Variants in GSE1 observed in about 807,000 individuals in gnomAD.
GSE1 encodes Gse1 coiled-coil protein, also known as genetic suppressor element 1.
Under a neutral mutation model 112.6 loss-of-function variants are expected in GSE1, and 32 were observed. The ratio of observed to expected loss-of-function variants is 0.28; its 90% CI spans 0.21 to 0.38. GSE1 has a LOEUF of 0.38. Ranked by LOEUF, GSE1 falls within the 10% of genes least tolerant of loss-of-function variation. The pLI is 1.00. For missense variants in GSE1, 2,348 were observed against 1,699.2 expected, an observed-to-expected ratio of 1.38 and a Z score of -6.71; for synonymous variants, 1,115 against 735.6, an observed-to-expected ratio of 1.52 and a Z score of -8.35.
intron 1 of GSE1, among the ~76,000 whole-genome samples, chr16:85,321,256 C>A (rs879269001): frequency 6.6e-6 from 1 of 152,072 alleles, no homozygotes; most frequent in South Asian, 2.1e-4. Context: ...CTTGTGGAAT[C>A]CCAAGGGGTC....
upstream of GSE1, among the ~76,000 whole-genome samples, chr16:85,612,490 G>T (rs1000535092): frequency 2.0e-5 from 3 of 152,162 alleles, no homozygotes; most frequent in African/African-American, 7.2e-5. Context: ...CGCAACCCCA[G>T]CTACTTAATG....
chr16:85,301,416 A>G (rs1209299057), intron 1 of GSE1, among the ~76,000 whole-genome samples: 1 of 152,146 alleles, frequency 6.6e-6, no homozygotes, highest in Non-Finnish European at 1.5e-5. Context: ...TCCAGGAAAC[A>G]TGATCTCCTG....
At chr16:85,629,921 C>T (rs923003702) in intron 1 of GSE1, among the ~76,000 whole-genome samples, 6 of 152,172 alleles carry the variant, frequency 3.9e-5, no homozygotes, top group African/African-American at 1.4e-4. Context: ...AACACAAAAC[C>T]TTTGTTATCT....
chr16:85,599,096 A>G (rs1243881159), intron 1 of GSE1, among the ~76,000 whole-genome samples: 3 of 152,212 alleles, frequency 2.0e-5, no homozygotes, highest in Non-Finnish European at 2.9e-5. Flanking sequence ...GAAGTTGTTA[A>G]ATGAATAATG....
intron 1 of GSE1, among the ~76,000 whole-genome samples, chr16:85,603,061 C>T (rs1404243681): frequency 1.3e-5 from 2 of 152,260 alleles, no homozygotes; most frequent in African/African-American, 4.8e-5. Context: ...TGCCTTGCAG[C>T]CCTGCTTGGA....
At chr16:85,239,731 G>A (rs1010658982) in intron 1 of GSE1, among the ~76,000 whole-genome samples, 2 of 152,222 alleles carry the variant, frequency 1.3e-5, no homozygotes, top group Non-Finnish European at 1.5e-5. Flanking sequence ...GACACAGCCA[G>A]GGTTGGGGGT....
At chr16:85,436,562 A>G (rs911417454) in intron 2 of GSE1, among the ~76,000 whole-genome samples, 2 of 152,234 alleles carry the variant, frequency 1.3e-5, no homozygotes, top group African/African-American at 4.8e-5. Flanking sequence ...GTGGGGGCTA[A>G]CAGTGAAACT....
At chr16:85,303,861 C>A (rs915683911) in intron 1 of GSE1, among the ~76,000 whole-genome samples, 1 of 152,218 alleles carries the variant, frequency 6.6e-6, no homozygotes, top group South Asian at 2.1e-4. Context: ...GGCTGGGAAT[C>A]GCCTGGCAGT....
chr16:85,263,764 G>T (rs1014768105), intron 1 of GSE1, among the ~76,000 whole-genome samples: 1 of 152,112 alleles, frequency 6.6e-6, no homozygotes, highest in Admixed American at 6.5e-5. Context: ...GTAGAGACAG[G>T]GTTTCACCAT....
At chr16:85,610,513 G>T (rs1228459909), upstream of GSE1, among the ~76,000 whole-genome samples, 1 of 152,240 alleles carries the variant, frequency 6.6e-6, no homozygotes, top group Non-Finnish European at 1.5e-5. Flanking sequence ...GGAGCGCGCC[G>T]GCTGCAGGAG....
At chr16:85,248,975 G>C (rs1906164089) in intron 1 of GSE1, among the ~76,000 whole-genome samples, 1 of 152,202 alleles carries the variant, frequency 6.6e-6, no homozygotes, top group African/African-American at 2.4e-5. Context: ...TCCCCCAAGA[G>C]TGAGGAACTT....
chr16:85,548,233 A>C (rs955366589), intron 2 of GSE1, among the ~76,000 whole-genome samples: 17 of 149,570 alleles, frequency 1.1e-4, no homozygotes, highest in African/African-American at 4.2e-4. Flanking sequence ...TTCTCAAAAA[A>C]AAAAAAAAAA....
intron 1 of GSE1, among the ~76,000 whole-genome samples, chr16:85,181,491 C>T (rs1245774366): frequency 3.3e-5 from 5 of 152,210 alleles, no homozygotes; most frequent in Admixed American, 2.0e-4. Context: ...GGCTTCCACA[C>T]GGCCCTGCCC....
chr16:85,214,311 C>T (rs1045395045), intron 1 of GSE1, among the ~76,000 whole-genome samples: 2 of 152,164 alleles, frequency 1.3e-5, no homozygotes, highest in Non-Finnish European at 2.9e-5. Flanking sequence ...AGGGTCTTTG[C>T]CCATGCATGA....
chr16:85,509,653 G>C (rs1031309804), intron 2 of GSE1, among the ~76,000 whole-genome samples: 2 of 152,234 alleles, frequency 1.3e-5, no homozygotes, highest in Non-Finnish European at 2.9e-5. Context: ...TGCTGGCCCT[G>C]AAGGCCAGCG....
chr16:85,627,902 C>T (rs1308353555), intron 1 of GSE1, among the ~76,000 whole-genome samples: 1 of 152,248 alleles, frequency 6.6e-6, no homozygotes, highest in East Asian at 1.9e-4. Context: ...CACCTTGGCA[C>T]CTGCACTGAC....
At chr16:85,201,807 C>G (rs1348461488) in intron 1 of GSE1, among the ~76,000 whole-genome samples, 2 of 152,202 alleles carry the variant, frequency 1.3e-5, no homozygotes, top group Admixed American at 6.5e-5. Flanking sequence ...AGCCTTTTGT[C>G]TGTCAGCATG....
At chr16:85,372,220 C>T (rs560672896) in intron 2 of GSE1, among the ~76,000 whole-genome samples, 2 of 152,222 alleles carry the variant, frequency 1.3e-5, no homozygotes, top group East Asian at 1.9e-4. Flanking sequence ...CTGGCGGGCG[C>T]GGTGGCTTGT....
intron 1 of GSE1, among the ~76,000 whole-genome samples, chr16:85,239,376 G>A (rs1466816180): frequency 6.6e-6 from 1 of 152,260 alleles, no homozygotes; most frequent in African/African-American, 2.4e-5. Flanking sequence ...GGCAGGGCAT[G>A]TGAGCAAAGC....
Sources: allele counts gnomAD v4.1 joint callset (sites outside exome capture counted in the v4.1 genomes callset), GRCh38; gene constraint gnomAD v4.1.1; transcripts MANE v1.5; gene names NCBI Gene and HGNC (gene_info 2026-07-23, HGNC 2026-07-21).